Variants in NOX4 observed in about 807,000 individuals in gnomAD.
NOX4 encodes the protein kidney oxidase-1.
NOX4 carries 69 observed loss-of-function variants against 87.6 expected under a neutral mutation model. That is an observed-to-expected ratio of 0.79 (90% CI 0.65 to 0.96). The LOEUF (loss-of-function observed/expected upper bound fraction) is 0.96. NOX4 is among the 40% of genes least tolerant of loss of function. The probability of loss-of-function intolerance (pLI) is 0.00; values close to 1 mark genes in which losing one functional copy is unlikely to be tolerated. For synonymous variants in NOX4, 275 were observed against 238.2 expected (o/e 1.15, Z -1.42); for missense variants, 680 against 681.5 (o/e 1.00, Z 0.02).
intron 11 of NOX4, among the ~76,000 whole-genome samples, chr11:89,374,496 C>T (rs1219966634): frequency 2.0e-5 from 3 of 152,096 alleles, no homozygotes; most frequent in South Asian, 2.1e-4. Flanking sequence ...CCATGTGTCA[C>T]GGGAAGTGTT....
At chr11:89,402,952 A>C (rs1941961565) in intron 8 of NOX4, among the ~76,000 whole-genome samples, 1 of 152,180 alleles carries the variant, frequency 6.6e-6, no homozygotes, top group African/African-American at 2.4e-5. Context: ...AAATACAGGG[A>C]ATATATTTAA....
the NOX4 span, among the ~76,000 whole-genome samples, chr11:89,584,728 A>C: frequency 6.6e-6 from 1 of 152,148 alleles, no homozygotes; most frequent in Non-Finnish European, 1.5e-5. Context: ...TGAGCATTGA[A>C]ATTCCCCCAT....
At chr11:89,412,435 T>C (rs1391118647) in intron 8 of NOX4, among the ~76,000 whole-genome samples, 1 of 152,052 alleles carries the variant, frequency 6.6e-6, no homozygotes, top group African/African-American at 2.4e-5. Context: ...TCTCAAAACA[T>C]TCAAAAACTT....
At chr11:89,548,343 T>A in the NOX4 span, 2 of 152,208 alleles carry the variant, frequency 1.3e-5, no homozygotes, top group Non-Finnish European at 2.9e-5. Flanking sequence ...GTTGGTCATC[T>A]GCAAACTGAA....
intron 2 of NOX4, among the ~76,000 whole-genome samples, chr11:89,486,036 T>G (rs2135483949): frequency 6.6e-6 from 1 of 152,202 alleles, no homozygotes; most frequent in Non-Finnish European, 1.5e-5. Context: ...ATCCCAATGT[T>G]ATATTTTATC....
intron 7 of NOX4, among the ~76,000 whole-genome samples, chr11:89,423,726 G>C (rs569621344): frequency 6.6e-6 from 1 of 151,782 alleles, no homozygotes; most frequent in Non-Finnish European, 1.5e-5. Context: ...GTCTGAGAAC[G>C]TTGTTGAAAT....
At chr11:89,393,924 T>A (rs545116272) in intron 11 of NOX4, among the ~76,000 whole-genome samples, 6 of 152,304 alleles carry the variant, frequency 3.9e-5, no homozygotes, top group Admixed American at 3.9e-4. Flanking sequence ...CTCAGTCGTC[T>A]TCTACCTCCA....
At chr11:89,517,377 T>G in the NOX4 span, among the ~76,000 whole-genome samples, 1 of 152,100 alleles carries the variant, frequency 6.6e-6, no homozygotes, top group African/African-American at 2.4e-5. Flanking sequence ...TGGTTAAACA[T>G]TACTTGACCA....
intron 7 of NOX4, among the ~76,000 whole-genome samples, chr11:89,426,185 T>G (rs989084546): frequency 6.6e-6 from 1 of 152,150 alleles, no homozygotes; most frequent in African/African-American, 2.4e-5. Flanking sequence ...GAACATCATG[T>G]TAATTTACAG....
chr11:89,460,004 C>G (rs1945378549), intron 2 of NOX4, among the ~76,000 whole-genome samples: 1 of 152,064 alleles, frequency 6.6e-6, no homozygotes, highest in South Asian at 2.1e-4. Context: ...AGAAATAATA[C>G]CACACATCTA....
the NOX4 span, among the ~76,000 whole-genome samples, chr11:89,558,710 C>T: frequency 1.3e-5 from 2 of 152,052 alleles, no homozygotes; most frequent in Admixed American, 6.6e-5. Flanking sequence ...GATTCGTTGG[C>T]ACAAATGGTA....
In NOX4 at chr11:89,451,794, T is replaced by C. The variant is rs563248090; in HGVS notation, c.255A>G (p.Gly85=). 1 of 1,610,162 alleles carries C rather than the reference T, an allele frequency of 6.2e-7. No individual in the cohort carries two copies. The highest frequency in any genetic ancestry group is 1.1e-5 in the South Asian group (1 of 91,018). ...GACTGTTTTTTCTTACCTTCTGTGA[T>C]CCTCGGAGGTAAGCCAAGAGTGTTC... ...MCRTLLAYLR[G]SQKVPSRRTR... Residue 85 remains glycine, a synonymous_variant, in exon 3 of 18, where the codon GGA becomes GGG. Coordinates refer to ENST00000263317, the MANE Select transcript of NOX4 (RefSeq NM_016931.5).
At chr11:89,446,778 G>A (rs1304320) in intron 4 of NOX4, among the ~76,000 whole-genome samples, 8 of 151,904 alleles carry the variant, frequency 5.3e-5, no homozygotes, top group African/African-American at 1.7e-4. Context: ...ATTCTGCATG[G>A]TACAGTAATG....
chr11:89,371,895 T>C (rs1257425341), intron 12 of NOX4, among the ~76,000 whole-genome samples: 1 of 151,932 alleles, frequency 6.6e-6, no homozygotes, highest in African/African-American at 2.4e-5. Context: ...TGTTTGCCCA[T>C]TAAATCCTAT....
At position 89,342,748 on chromosome 11, in the gene NOX4, T is replaced by A. The variant is rs921450810; in HGVS notation, c.1218-555A>T. On this transcript the variant is annotated intron_variant, in intron 13 of 17. Transcript: ENST00000263317. ...ACTTACAAACTGATAGTTCTTTAGCTGTAAAGGACAATCACAAAGGAAGCT... is the reference window on the plus strand; with the variant it reads ...ACTTACAAACTGATAGTTCTTTAGCAGTAAAGGACAATCACAAAGGAAGCT... 2.0e-5 allele frequency among the ~76,000 whole-genome samples: 3 copies of A among 152,172 alleles called. No homozygotes were observed. The South Asian group carries it at 6.2e-4, about 32-fold the overall frequency.
the NOX4 span, among the ~76,000 whole-genome samples, chr11:89,531,830 G>T: frequency 1.3e-5 from 2 of 152,234 alleles, no homozygotes; most frequent in Non-Finnish European, 2.9e-5. Context: ...CAGACCCAGG[G>T]CCCTGCTGTT....
Position 89,483,527 on chromosome 11 carries a change from T to C in NOX4, c.153+6931A>G, listed in dbSNP as rs911053447. ...AAGACAAATACCACATAATGTTACT[T>C]ATATGTGTCATCTAAGAAAGAATGT... On this transcript the variant is annotated intron_variant, in intron 2 of 17. Transcript: ENST00000263317. Among the ~76,000 whole-genome samples, 5 of 150,910 alleles carry C rather than the reference T, an allele frequency of 3.3e-5. No homozygotes were observed. The Admixed American group carries it at 3.3e-4, about 10-fold the overall frequency.
At chr11:89,516,917 G>T in the NOX4 span, among the ~76,000 whole-genome samples, 1 of 151,922 alleles carries the variant, frequency 6.6e-6, no homozygotes, top group Non-Finnish European at 1.5e-5. Flanking sequence ...TGCCCTTTCA[G>T]CTACAGTTTT....
rs1217686178 is a variant in NOX4, at chr11:89,461,447, A to C, written c.154-9552T>G. On this transcript the variant is annotated intron_variant, in intron 2 of 17. Transcript: ENST00000263317. Reference sequence around the variant, plus strand: ...ATCATGAGGTCAGGAGATCGAGACCATCCTGGCTAAGACAGTGAAACTCCG... The same window carrying C: ...ATCATGAGGTCAGGAGATCGAGACCCTCCTGGCTAAGACAGTGAAACTCCG... 7.2e-5 allele frequency among the ~76,000 whole-genome samples: 11 copies of C among 152,138 alleles called. 1 individual carries two copies. The South Asian group carries it at 2.3e-3, about 32-fold the overall frequency.
Sources: allele counts gnomAD v4.1 joint callset (sites outside exome capture counted in the v4.1 genomes callset), GRCh38; gene constraint gnomAD v4.1.1; transcripts MANE v1.5; gene names NCBI Gene and HGNC (gene_info 2026-07-23, HGNC 2026-07-21).